Variants in RABGAP1 observed in about 807,000 individuals in gnomAD.
RABGAP1 encodes rab GTPase-activating protein 1.
In RABGAP1, 23 loss-of-function variants were observed where a neutral mutation model predicts 137.6. That is an observed-to-expected ratio of 0.17 (90% CI 0.12 to 0.24). The LOEUF (loss-of-function observed/expected upper bound fraction) is 0.24. Ranked by LOEUF, RABGAP1 falls within the 10% of genes least tolerant of loss-of-function variation. The probability of loss-of-function intolerance (pLI) is 1.00; values close to 1 mark genes in which losing one functional copy is unlikely to be tolerated. For missense variants in RABGAP1, 906 were observed against 1,275.8 expected (o/e 0.71, Z 4.42); for synonymous variants, 451 against 450.7 (o/e 1.00, Z -0.01).
chr9:123,076,556 G>A, intron 18 of RABGAP1, 78 bp from the exon 19 acceptor site: 1 of 1,452,638 alleles, frequency 6.9e-7, no homozygotes, highest in Non-Finnish European at 9.2e-7. Context: ...GTGCTGAAAA[G>A]TGCTGAGAAT....
chr9:123,027,446 A>C (rs1332019304), intron 13 of RABGAP1, among the ~76,000 whole-genome samples: 1 of 152,208 alleles, frequency 6.6e-6, no homozygotes, highest in Non-Finnish European at 1.5e-5. Context: ...TGTTGAAAGG[A>C]ATCCCTGGAG....
chr9:122,986,741 CATT>C (rs1486528260), intron 4 of RABGAP1, among the ~76,000 whole-genome samples: 1 of 152,120 alleles, frequency 6.6e-6, no homozygotes, highest in Non-Finnish European at 1.5e-5. Flanking sequence ...AAGCTTGACA[CATT>C]ATTTCAAAAT....
At chr9:123,047,930 T>TG (rs2033284888) in intron 13 of RABGAP1, among the ~76,000 whole-genome samples, 1 of 71,424 alleles carries the variant, frequency 1.4e-5, no homozygotes, top group Non-Finnish European at 2.3e-5. Context: ...TTTTTTTTTT[T>TG]TTTTTTTTTT....
At chr9:122,991,706 A>G (rs1256651554) in intron 6 of RABGAP1, among the ~76,000 whole-genome samples, 2 of 151,428 alleles carry the variant, frequency 1.3e-5, no homozygotes, top group Non-Finnish European at 2.9e-5. Context: ...GGTCTCAAGC[A>G]GTCCTCCCAC....
At chr9:123,099,451 A>T in intron 23 of RABGAP1, 27 bp from the exon 24 acceptor site, 1 of 1,570,116 alleles carries the variant, frequency 6.4e-7, no homozygotes, top group Non-Finnish European at 8.8e-7. Flanking sequence ...TGCTCAAGAG[A>T]TTGTTGTTTT....
chr9:123,073,596 T>C lies in RABGAP1; in HGVS notation c.2028T>C (p.Phe676=). The C allele has an allele frequency of 6.2e-7, 1 of 1,613,934 alleles. No individual in the cohort carries two copies. Among genetic ancestry groups the C allele is most frequent in the South Asian group, 1.1e-5 (1 of 91,068 alleles). Residue 676 remains phenylalanine, a synonymous_variant, in exon 16 of 26, where the codon TTT becomes TTC. Transcript: ENST00000373647. ...QAFSVLVKIM[F]DYGLRELFKQ... The stretch of plus-strand genomic sequence containing the variant: ...TCAGTGTTCTGGTCAAGATCATGTT[T>C]GACTATGGGCTCAGGGAACTTTTCA...
intron 13 of RABGAP1, among the ~76,000 whole-genome samples, chr9:123,037,777 C>G (rs1316454471): frequency 6.6e-6 from 1 of 151,712 alleles, no homozygotes; most frequent in Non-Finnish European, 1.5e-5. Flanking sequence ...CAGTAGTGTC[C>G]CCTTTAGTGG....
chr9:122,948,232 A>G (rs1350783835), intron 1 of RABGAP1, among the ~76,000 whole-genome samples: 1 of 152,166 alleles, frequency 6.6e-6, no homozygotes, highest in East Asian at 1.9e-4. Flanking sequence ...CTTTTTCTAA[A>G]CAGAGAGTAA....
At chr9:123,064,750 A>G (rs1310109232) in intron 13 of RABGAP1, among the ~76,000 whole-genome samples, 1 of 152,250 alleles carries the variant, frequency 6.6e-6, no homozygotes, top group Admixed American at 6.5e-5. Context: ...AACTCATTAT[A>G]GAAGAGGAAA....
intron 13 of RABGAP1, among the ~76,000 whole-genome samples, chr9:123,048,891 T>C (rs1197056082): frequency 1.3e-5 from 2 of 152,240 alleles, no homozygotes; most frequent in African/African-American, 2.4e-5. Flanking sequence ...TTATGTCTTA[T>C]TTATACATGA....
chr9:123,005,515 T>C (rs1373689728), intron 10 of RABGAP1, among the ~76,000 whole-genome samples: 2 of 152,238 alleles, frequency 1.3e-5, no homozygotes, highest in African/African-American at 2.4e-5. Flanking sequence ...ATACTCCATA[T>C]GTCTTATCCT....
At chr9:123,013,737 TTATAA>T (rs770200426) in intron 11 of RABGAP1, among the ~76,000 whole-genome samples, 2 of 152,220 alleles carry the variant, frequency 1.3e-5, no homozygotes, top group Non-Finnish European at 2.9e-5. Context: ...GTCCAAAGCA[TTATAA>T]TATAAAAACG....
chr9:122,959,178 GA>G (rs1027587044), intron 2 of RABGAP1, among the ~76,000 whole-genome samples: 2 of 152,054 alleles, frequency 1.3e-5, no homozygotes, highest in African/African-American at 4.8e-5. Flanking sequence ...GAAGGCCATG[GA>G]AAAATCTGGG....
intron 10 of RABGAP1, among the ~76,000 whole-genome samples, chr9:122,999,338 A>G (rs1340446456): frequency 6.7e-6 from 1 of 150,038 alleles, no homozygotes; most frequent in Non-Finnish European, 1.5e-5. Flanking sequence ...GTATGCCAGC[A>G]TGCCCGGCTA....
intron 13 of RABGAP1, among the ~76,000 whole-genome samples, chr9:123,064,064 C>T (rs2034083004): frequency 6.6e-6 from 1 of 152,140 alleles, no homozygotes; most frequent in South Asian, 2.1e-4. Flanking sequence ...TCGCTCACTT[C>T]GCTCGCTCTC....
At chr9:123,024,545 T>A (rs1687732972) in intron 13 of RABGAP1, among the ~76,000 whole-genome samples, 1 of 151,954 alleles carries the variant, frequency 6.6e-6, no homozygotes, top group Non-Finnish European at 1.5e-5. Flanking sequence ...GTTCAAACGA[T>A]TCTCCTGCCT....
chr9:122,984,562 G>C lies in RABGAP1; in HGVS notation c.228G>C (p.Gln76His). ...DVLMDPPMDD[Q>H]PGEKELVKRS... ...TGATGGATCCTCCAATGGACGACCAGCCAGGGGAAAAGGAGCTTGTGAAAA... is the reference window on the plus strand; with the variant it reads ...TGATGGATCCTCCAATGGACGACCACCCAGGGGAAAAGGAGCTTGTGAAAA... The change falls in exon 3 of 26, where the codon CAG (glutamine) becomes CAC (histidine). Residue 76 changes from glutamine (Q) to histidine (H), a missense_variant. Transcript: ENST00000373647. 3 of 1,614,186 alleles carry C rather than the reference G, an allele frequency of 1.9e-6. No homozygotes were observed. Among genetic ancestry groups the C allele is most frequent in the Non-Finnish European group, 2.5e-6 (3 of 1,180,028 alleles).
Position 123,035,139 on chromosome 9 carries a change from C to T in RABGAP1, c.1794+14680C>T, listed in dbSNP as rs202132540. 8.2e-4 allele frequency: 1,331 copies of T among 1,613,870 alleles called. 15 individuals carry two copies. In the South Asian group the frequency reaches 0.013, roughly 16 times the overall value. ...AGTCCTGGCACACCGACTCCTACTT[C>T]ACCCTGTTCATCGTGATGATGTTAT... On this transcript the variant is annotated intron_variant, in intron 13 of 25. Transcript: ENST00000373647.
intron 6 of RABGAP1, among the ~76,000 whole-genome samples, chr9:122,991,554 C>T (rs577634803): frequency 1.3e-5 from 2 of 151,146 alleles, no homozygotes; most frequent in South Asian, 4.2e-4. Flanking sequence ...TAAAGTATGA[C>T]TCATTGTGCT....
Sources: gnomAD v4.1 joint callset for allele counts (sites outside exome capture counted in the v4.1 genomes callset) on GRCh38, gnomAD v4.1.1 for gene constraint, MANE v1.5 for transcripts, NCBI Gene and HGNC (gene_info 2026-07-23, HGNC 2026-07-21) for gene names.